Variants in VRK1 observed in about 807,000 individuals in gnomAD.
VRK1 encodes serine/threonine-protein kinase VRK1.
Under a neutral mutation model 57.1 loss-of-function variants are expected in VRK1, and 33 were observed. The ratio of observed to expected loss-of-function variants is 0.58; its 90% confidence interval spans 0.44 to 0.77. The LOEUF (loss-of-function observed/expected upper bound fraction) is 0.77, where lower values mean the gene tolerates loss of function less well. Ranked by LOEUF, VRK1 falls within the 30% of genes least tolerant of loss-of-function variation. VRK1 has a pLI of 0.00. For missense variants in VRK1, 413 were observed against 477.3 expected, an observed-to-expected ratio of 0.87 and a Z score of 1.25; for synonymous variants, 137 against 147.8, an observed-to-expected ratio of 0.93 and a Z score of 0.53.
chr14:96,840,798 G>A (rs773640661), intron 3 of VRK1, among the ~76,000 whole-genome samples: 8 of 151,634 alleles, frequency 5.3e-5, no homozygotes, highest in Non-Finnish European at 8.8e-5. Context: ...GTGTGCCAGT[G>A]TCATATCTTA....
chr14:96,843,514 G>A (rs1355902861), intron 3 of VRK1, among the ~76,000 whole-genome samples: 2 of 152,140 alleles, frequency 1.3e-5, no homozygotes, highest in African/African-American at 4.8e-5. Context: ...GAGAAATTTT[G>A]TACAGCTTCA....
intron 1 of VRK1, among the ~76,000 whole-genome samples, chr14:96,821,392 C>T (rs1886590726): frequency 6.6e-6 from 1 of 152,036 alleles, no homozygotes; most frequent in African/African-American, 2.4e-5. Flanking sequence ...TTCTACTTGG[C>T]ACTGCAGACT....
At position 96,881,376 on chromosome 14, in the gene VRK1, A is replaced by G. The variant is rs1595695180; in HGVS notation, c.*168A>G. On this transcript the variant is annotated 3_prime_UTR_variant, in exon 13 of 13. Transcript: ENST00000216639. ...TTTTTTTATAAAAATATTTTGTACA[A>G]TTCATTAAAGGCTAATTTATGAAAT... The G allele has an allele frequency of 1.6e-6, 1 of 622,758 alleles. No homozygotes were observed. The highest frequency in any genetic ancestry group is 2.7e-6 in the Non-Finnish European group (1 of 373,930). The allele number at this position is 622,758 out of a possible 1,614,324, so 38.6% of individuals were successfully genotyped here.
At chr14:96,802,831 T>C (rs1885716632) in intron 1 of VRK1, among the ~76,000 whole-genome samples, 1 of 152,236 alleles carries the variant, frequency 6.6e-6, no homozygotes, top group South Asian at 2.1e-4. Context: ...TGGAAGGCCA[T>C]GTGGGTTGTT....
intron 8 of VRK1, among the ~76,000 whole-genome samples, 181 bp downstream of exon 8, chr14:96,855,537 T>G (rs963976583): frequency 6.6e-6 from 1 of 152,218 alleles, no homozygotes. Context: ...ATCTGTGTTC[T>G]TCTGTCCTGC....
Position 96,829,346 on chromosome 14 carries a change from T to C in VRK1, c.-5-4121T>C, listed in dbSNP as rs186678650. Among the ~76,000 whole-genome samples, 282 of 152,236 alleles carry C rather than the reference T, an allele frequency of 1.9e-3. 1 individual carries two copies. Among genetic ancestry groups the C allele is most frequent in the African/African-American group, 6.7e-3 (279 of 41,554 alleles). Reference sequence around the variant, plus strand: ...TTTTGTTAAGGAACCTGGTTTCTTTTCATGGGAAGTGGTATTTTAAGACTA... The same window carrying C: ...TTTTGTTAAGGAACCTGGTTTCTTTCCATGGGAAGTGGTATTTTAAGACTA... On this transcript the variant is annotated intron_variant, in intron 1 of 12. Transcript: ENST00000216639.
chr14:96,867,225 A>G (rs1595685640), intron 11 of VRK1, among the ~76,000 whole-genome samples: 1 of 152,286 alleles, frequency 6.6e-6, no homozygotes, highest in East Asian at 1.9e-4. Context: ...TTTTAAAGAA[A>G]GCTTCTGGAT....
chr14:96,823,831 A>G (rs1185731025), intron 1 of VRK1, among the ~76,000 whole-genome samples: 4 of 152,280 alleles, frequency 2.6e-5, no homozygotes, highest in East Asian at 3.9e-4. Flanking sequence ...CTCAAGATTC[A>G]TCTGTGGTGT....
chr14:96,853,396 GT>G (rs1888027175), intron 7 of VRK1, among the ~76,000 whole-genome samples: 1 of 152,102 alleles, frequency 6.6e-6, no homozygotes, highest in African/African-American at 2.4e-5. Flanking sequence ...AGAAGTGCTT[GT>G]GATACAAAAT....
intron 1 of VRK1, among the ~76,000 whole-genome samples, chr14:96,823,953 T>C (rs4905547): frequency 0.63 from 95,038 of 152,028 alleles, 30,565 homozygotes; most frequent in African/African-American, 0.69. Context: ...GCTTCCACCT[T>C]TTACTATTAT....
intron 10 of VRK1, among the ~76,000 whole-genome samples, chr14:96,857,143 G>A (rs951490392): frequency 2.0e-5 from 3 of 152,168 alleles, no homozygotes; most frequent in Non-Finnish European, 4.4e-5. Flanking sequence ...AAATATCCCT[G>A]CCCTCATGAA....
intron 5 of VRK1, among the ~76,000 whole-genome samples, chr14:96,852,000 G>C (rs1285493126): frequency 3.9e-5 from 6 of 152,200 alleles, no homozygotes; most frequent in Non-Finnish European, 8.8e-5. Flanking sequence ...GATTTCACCA[G>C]ACAAGTTAGA....
chr14:96,813,361 T>C (rs1886276935), intron 1 of VRK1, among the ~76,000 whole-genome samples: 1 of 152,204 alleles, frequency 6.6e-6, no homozygotes, highest in South Asian at 2.1e-4. Context: ...ATTCAAACCC[T>C]GAGATTACAG....
intron 1 of VRK1, among the ~76,000 whole-genome samples, chr14:96,832,715 A>G (rs77618236): frequency 0.031 from 4,785 of 152,284 alleles, 110 homozygotes; most frequent in Non-Finnish European, 0.048. Context: ...AAGGATAGCT[A>G]ATGGGAAAGA....
At chr14:96,855,096 T>C (rs993903102) in intron 7 of VRK1, 128 bp from the exon 8 acceptor site, 1 of 1,309,620 alleles carries the variant, frequency 7.6e-7, no homozygotes, top group East Asian at 2.3e-5. Flanking sequence ...CTAAATTGTT[T>C]GGAGTGTTAT....
intron 1 of VRK1, among the ~76,000 whole-genome samples, chr14:96,829,715 C>T (rs999876647): frequency 3.3e-5 from 5 of 152,094 alleles, no homozygotes; most frequent in African/African-American, 9.7e-5. Context: ...TGGAAAGTTG[C>T]CTTTTTTGCG....
chr14:96,869,402 G>C (rs1264586463), intron 11 of VRK1, among the ~76,000 whole-genome samples: 1 of 152,118 alleles, frequency 6.6e-6, no homozygotes, highest in Non-Finnish European at 1.5e-5. Context: ...TAAAAGTTCA[G>C]TTTATGAAAC....
At chr14:96,846,304 T>C in intron 4 of VRK1, 140 bp downstream of exon 4, 1 of 809,938 alleles carries the variant, frequency 1.2e-6, no homozygotes, top group Non-Finnish European at 2.0e-6. Context: ...ATGGGATTTG[T>C]GTGAAAGAAT....
intron 11 of VRK1, among the ~76,000 whole-genome samples, chr14:96,862,162 G>GT (rs1566714167): frequency 6.7e-6 from 1 of 148,368 alleles, no homozygotes; most frequent in African/African-American, 2.5e-5. Flanking sequence ...AGAAAATGTA[G>GT]TTTCTGCAGG....
Sources: allele counts gnomAD v4.1 joint callset (sites outside exome capture counted in the v4.1 genomes callset), GRCh38; gene constraint gnomAD v4.1.1; transcripts MANE v1.5; gene names NCBI Gene and HGNC (gene_info 2026-07-23, HGNC 2026-07-21).